Variants in GNB3 observed in about 807,000 individuals in gnomAD.
GNB3 encodes G protein subunit beta 3, also known as guanine nucleotide-binding protein G(I)/G(S)/G(T) subunit beta-3.
Under a neutral mutation model 41.2 loss-of-function variants are expected in GNB3, and 33 were observed. The observed-to-expected ratio is 0.80, with a 90% CI of 0.61 to 1.07. The LOEUF (loss-of-function observed/expected upper bound fraction) is 1.07, where lower values mean the gene tolerates loss of function less well. Among genes scored for constraint, GNB3 ranks in the 50% least tolerant of loss-of-function variants. The pLI, the probability that GNB3 is intolerant of heterozygous loss-of-function variation, is 0.00. For missense variants in GNB3, 409 were observed against 455.3 expected, an observed-to-expected ratio of 0.90 and a Z score of 0.92; for synonymous variants, 172 against 173.4, an observed-to-expected ratio of 0.99 and a Z score of 0.06.
chr12:6,844,082 TTTCTTACTGTA>T, intron 8 of GNB3, 104 bp downstream of exon 8: 2 of 595,404 alleles, frequency 3.4e-6, no homozygotes, highest in Admixed American at 3.6e-5. Flanking sequence ...TCCCTAGCCC[TTTCTTACTGTA>T]TTTTTTTTTT....
In GNB3 at chr12:6,846,939, C is replaced by T. The variant is rs1943717760; in HGVS notation, c.*41C>T. 1 of 1,114,036 alleles carries T rather than the reference C, an allele frequency of 9.0e-7. No individual in the cohort carries two copies. The highest frequency in any genetic ancestry group is 1.5e-5 in the African/African-American group (1 of 65,046). 69.0% of individuals were successfully genotyped at this position (1,114,036 alleles called of 1,614,324 possible). A position where few individuals can be genotyped will look rare whatever the true frequency, so the allele number is the denominator to read the frequency against. On this transcript the variant is annotated 3_prime_UTR_variant, in exon 10 of 10. Transcript: ENST00000229264. Reference sequence around the variant, plus strand: ...GGAAGTGGAAGGCAGTGAACACACTCAGCAGCCCCCTGCCCGACCCCATCT... The same window carrying T: ...GGAAGTGGAAGGCAGTGAACACACTTAGCAGCCCCCTGCCCGACCCCATCT...
chr12:6,842,836 G>T, intron 3 of GNB3, 134 bp from the exon 4 acceptor site: 1 of 592,542 alleles, frequency 1.7e-6, no homozygotes, highest in Non-Finnish European at 3.0e-6. Context: ...CCAGGGCAGA[G>T]ACTTATTTCT....
At position 6,846,947 on chromosome 12, in the gene GNB3, C is replaced by T. The variant is rs1591594349; in HGVS notation, c.*49C>T. ...AAGGCAGTGAACACACTCAGCAGCC[C>T]CCTGCCCGACCCCATCTCATTCAGG... On this transcript the variant is annotated 3_prime_UTR_variant, in exon 10 of 10. Coordinates refer to ENST00000229264, the MANE Select transcript of GNB3 (RefSeq NM_002075.4). The T allele has an allele frequency of 1.0e-6, 1 of 979,412 alleles. No homozygotes were observed. The highest frequency in any genetic ancestry group is 2.0e-5 in the Admixed American group (1 of 50,086). 60.7% of individuals were successfully genotyped at this position (979,412 alleles called of 1,614,324 possible).
chr12:6,842,861 C>T (rs1176420283), intron 3 of GNB3, 109 bp from the exon 4 acceptor site: 6 of 679,794 alleles, frequency 8.8e-6, no homozygotes, highest in African/African-American at 1.8e-5. Context: ...GGCTGGGGGC[C>T]TGACCTAGAG....
chr12:6,842,842 T>C (rs1943597376), intron 3 of GNB3, 128 bp from the exon 4 acceptor site: 1 of 600,854 alleles, frequency 1.7e-6, no homozygotes, highest in Non-Finnish European at 3.0e-6. Context: ...CAGAGACTTA[T>C]TTCTCTAAGG....
At position 6,847,132 on chromosome 12, in the gene GNB3, C is replaced by T; in HGVS notation, c.*234C>T. The stretch of plus-strand genomic sequence containing the variant: ...CCTTCCCTCCCCACAGTCCTCACAG[C>T]CTCTCCCTTAATGAGCAAGGACAAC... On this transcript the variant is annotated 3_prime_UTR_variant, in exon 10 of 10. Transcript: ENST00000229264. The T allele has an allele frequency of 1.9e-6, 1 of 517,038 alleles. No homozygotes were observed. Among genetic ancestry groups the T allele is most frequent in the East Asian group, 3.2e-5 (1 of 31,320 alleles). The allele number at this position is 517,038 out of a possible 1,614,324, so 32.0% of individuals were successfully genotyped here.
Position 6,846,970 on chromosome 12 carries a change from A to G in GNB3, c.*72A>G. ...CCCCCTGCCCGACCCCATCTCATTC[A>G]GGTGTTCTCTTCTATATTCCGGGTG... is the stretch of plus-strand genomic sequence containing the variant. On this transcript the variant is annotated 3_prime_UTR_variant, in exon 10 of 10. Coordinates refer to ENST00000229264, the MANE Select transcript of GNB3 (RefSeq NM_002075.4). 1 of 844,316 alleles carries G rather than the reference A, an allele frequency of 1.2e-6. No individual in the cohort carries two copies. The highest frequency in any genetic ancestry group is 2.0e-6 in the Non-Finnish European group (1 of 507,936). The allele number at this position is 844,316 out of a possible 1,614,324, so 52.3% of individuals were successfully genotyped here. A position where few individuals can be genotyped will look rare whatever the true frequency, so the allele number is the denominator to read the frequency against.
chr12:6,843,905 A>G lies in GNB3; in HGVS notation c.626A>G (p.Lys209Arg). The G allele has an allele frequency of 6.2e-7, 1 of 1,613,966 alleles. No homozygotes were observed. The stretch of plus-strand genomic sequence containing the variant: ...TCGGGGGCCTGTGATGCCAGTGCCA[A>G]GCTCTGGGATGTGCGAGAGGGGACC... Reference protein sequence around the residue: ...FISGACDASAKLWDVREGTCR... With the variant: ...FISGACDASARLWDVREGTCR... Residue 209 changes from lysine (K) to arginine (R), a missense_variant, in exon 8 of 10, where the codon AAG becomes AGG. Lys to Arg is a conservative substitution (Grantham distance 26, BLOSUM62 2). Coordinates refer to ENST00000229264, the MANE Select transcript of GNB3 (RefSeq NM_002075.4). This position sits in a 1 kb window ranked among gnomAD's most constrained non-coding sequence, Gnocchi z 5.9.
chr12:6,842,469 G>A lies in GNB3; in HGVS notation c.97-501G>A, dbSNP rs142009358. On this transcript the variant is annotated intron_variant, in intron 3 of 9. Transcript: ENST00000229264. The stretch of plus-strand genomic sequence containing the variant: ...CAAGTCTGTTCACTCTGGACCCCCA[G>A]CCTAAGTCTAAAATGTGGTTAGAGC... 7.9e-3 allele frequency among the ~76,000 whole-genome samples: 1,204 copies of A among 152,320 alleles called. 16 individuals carry two copies. The highest frequency in any genetic ancestry group is 0.027 in the African/African-American group (1,142 of 41,560).
At chr12:6,844,910 TGATTCTTAAGATCAG>T (rs1555124229) in intron 8 of GNB3, 1 of 152,282 alleles carries the variant, frequency 6.6e-6, no homozygotes, top group Admixed American at 6.5e-5. Flanking sequence ...AATCACTGTA[TGATTCTTAAGATCAG>T]GAAACTCAAC....
intron 8 of GNB3, among the ~76,000 whole-genome samples, chr12:6,844,263 G>A (rs782675334): frequency 4.0e-5 from 6 of 151,526 alleles, no homozygotes; most frequent in South Asian, 4.2e-4. Context: ...CACCATGCCC[G>A]GCTAATTTTT....
chr12:6,841,658 G>T (rs781828735), intron 3 of GNB3, 34 bp downstream of exon 3: 19 of 1,560,904 alleles, frequency 1.2e-5, no homozygotes, highest in African/African-American at 4.1e-5. Context: ...GGCAGGGCAT[G>T]GGGGGAGGGG....
chr12:6,841,980 C>T (rs1260356836), intron 3 of GNB3: 1 of 398,074 alleles, frequency 2.5e-6, no homozygotes. Flanking sequence ...ATGCACATTT[C>T]TTCACATTTT....
intron 8 of GNB3, 115 bp from the exon 9 acceptor site, chr12:6,845,471 A>G (rs1466602103): frequency 1.5e-6 from 1 of 686,004 alleles, no homozygotes; most frequent in Non-Finnish European, 2.6e-6. Context: ...AGGGACAGGC[A>G]GGGAGGCTGA....
At position 6,843,927 on chromosome 12, in the gene GNB3, G is replaced by T; in HGVS notation, c.648G>T (p.Gly216=). Residue 216 remains glycine (G), a synonymous_variant, in exon 8 of 10, where the codon GGG becomes GGT. Coordinates refer to ENST00000229264, the MANE Select transcript of GNB3 (RefSeq NM_002075.4). The surrounding 1 kb of genome is among the most constrained non-coding windows in gnomAD (Gnocchi z 5.9). The part of the protein sequence containing the change: ...ASAKLWDVRE[G]TCRQTFTGHE... Reference sequence around the variant, plus strand: ...CCAAGCTCTGGGATGTGCGAGAGGGGACCTGCCGTCAGACTTTCACTGGCC... The same window carrying T: ...CCAAGCTCTGGGATGTGCGAGAGGGTACCTGCCGTCAGACTTTCACTGGCC... 1.2e-6 allele frequency: 2 copies of T among 1,613,870 alleles called. No homozygotes were observed. The highest frequency in any genetic ancestry group is 1.7e-6 in the Non-Finnish European group (2 of 1,179,940).
chr12:6,841,462 T>A, intron 2 of GNB3, 118 bp downstream of exon 2: 1 of 1,196,938 alleles, frequency 8.4e-7, no homozygotes, highest in African/African-American at 1.5e-5. Flanking sequence ...AGGGACTTTC[T>A]AAACTTGGTT....
chr12:6,842,006 A>G (rs1397862101), intron 3 of GNB3: 2 of 371,154 alleles, frequency 5.4e-6, no homozygotes, highest in East Asian at 6.7e-5. Flanking sequence ...CTCTGAAATC[A>G]AGGTGCATTC....
In GNB3 at chr12:6,845,639, C is replaced by G. The variant is rs782075603; in HGVS notation, c.753C>G (p.Arg251=). ...ICTGSDDASC[R]LFDLRADQEL... is the part of the protein sequence containing the mutation. Reference sequence around the variant, plus strand: ...CGGGCTCGGATGACGCTTCCTGCCGCTTGTTTGACCTGCGGGCAGACCAGG... The same window carrying G: ...CGGGCTCGGATGACGCTTCCTGCCGGTTGTTTGACCTGCGGGCAGACCAGG... Residue 251 remains arginine (R), a synonymous_variant, in exon 9 of 10, where the codon CGC becomes CGG. Coordinates refer to ENST00000229264, the MANE Select transcript of GNB3 (RefSeq NM_002075.4). 6.2e-7 allele frequency: 1 copy of G among 1,613,862 alleles called. No homozygotes were observed. Among genetic ancestry groups the G allele is most frequent in the Non-Finnish European group, 8.5e-7 (1 of 1,179,978 alleles).
intron 9 of GNB3, 68 bp downstream of exon 9, chr12:6,845,870 T>G (rs1370074642): frequency 4.7e-6 from 5 of 1,071,640 alleles, no homozygotes; most frequent in Non-Finnish European, 5.7e-6. Flanking sequence ...CTCCCCATTC[T>G]GTACCCCCCA....
Sources: gnomAD v4.1 joint callset for allele counts (sites outside exome capture counted in the v4.1 genomes callset) on GRCh38, gnomAD v4.1.1 for gene constraint, Gnocchi (gnomAD v3.1) non-coding constraint, MANE v1.5 for transcripts, NCBI Gene and HGNC (gene_info 2026-07-23, HGNC 2026-07-21) for gene names.